NMNAT3: variants seen among roughly 807,000 people sequenced by gnomAD.
The protein encoded by NMNAT3 is nicotinamide/nicotinic acid mononucleotide adenylyltransferase 3.
Under a neutral mutation model 24.8 loss-of-function variants are expected in NMNAT3, and 21 were observed. The observed-to-expected ratio is 0.85, with a 90% confidence interval of 0.60 to 1.22. The LOEUF (loss-of-function observed/expected upper bound fraction) is 1.22, where lower values mean the gene tolerates loss of function less well. NMNAT3 is among the 50% of genes most tolerant of loss of function. The probability of loss-of-function intolerance (pLI) is 0.00; values close to 1 mark genes in which losing one functional copy is unlikely to be tolerated. For missense variants in NMNAT3, 387 were observed against 436.6 expected (o/e 0.89, Z 1.01); for synonymous variants, 136 against 155.2 (o/e 0.88, Z 0.92).
chr3:139,622,933 A>C (rs2055870549), intron 3 of NMNAT3, among the ~76,000 whole-genome samples: 1 of 147,984 alleles, frequency 6.8e-6, no homozygotes, highest in South Asian at 2.1e-4. Context: ...CTCTGGGTGA[A>C]TCAAGGCGTG....
chr3:139,632,635 C>A (rs1032405119), intron 2 of NMNAT3, among the ~76,000 whole-genome samples: 1 of 152,210 alleles, frequency 6.6e-6, no homozygotes, highest in African/African-American at 2.4e-5. Flanking sequence ...TGGCCAGGCC[C>A]TCTACTGGAC....
At chr3:139,575,742 A>T (rs749688430) in intron 5 of NMNAT3, 1 of 1,098,346 alleles carries the variant, frequency 9.1e-7, no homozygotes, top group Non-Finnish European at 1.1e-6. Flanking sequence ...TGCCTGCCTG[A>T]GTGGTACCTT....
At chr3:139,645,116 C>T (rs916980396) in intron 1 of NMNAT3, among the ~76,000 whole-genome samples, 6 of 152,092 alleles carry the variant, frequency 3.9e-5, no homozygotes, top group South Asian at 2.1e-4. Context: ...GCAGGAGAAT[C>T]GCTTGAACCT....
Position 139,566,129 on chromosome 3 carries a change from T to C in NMNAT3, c.659-4737A>G, listed in dbSNP as rs1006767956. 372 of 152,324 alleles carry C rather than the reference T, an allele frequency of 2.4e-3. 2 individuals are homozygous for C. The highest frequency in any genetic ancestry group is 8.7e-3 in the African/African-American group (362 of 41,580). The allele number at this position is 152,324 out of a possible 1,614,324, so 9.4% of individuals were successfully genotyped here. A position where few individuals can be genotyped will look rare whatever the true frequency, so the allele number is the denominator to read the frequency against. On this transcript the variant is annotated intron_variant, in intron 6 of 6. Transcript: ENST00000643695. ...GATGGCCAGTGATGATGAGCATTTT[T>C]TCATGTGTTTTTTGGCTGCATAAAT... is the stretch of plus-strand genomic sequence containing the variant.
At chr3:139,657,821 G>T (rs1452828179) in intron 1 of NMNAT3, among the ~76,000 whole-genome samples, 1 of 150,992 alleles carries the variant, frequency 6.6e-6, no homozygotes, top group African/African-American at 2.4e-5. Context: ...TTGCTGTGGG[G>T]GGTATCATGG....
chr3:139,572,008 C>T (rs1205145132), intron 6 of NMNAT3: 3 of 397,190 alleles, frequency 7.6e-6, no homozygotes, highest in African/African-American at 4.1e-5. Context: ...GCCCCTTGGC[C>T]CAGAAATGTC....
At chr3:139,565,403 G>A (rs900992415) in intron 6 of NMNAT3, 6 of 152,080 alleles carry the variant, frequency 3.9e-5, no homozygotes, top group African/African-American at 1.4e-4. Flanking sequence ...GGGTACATGT[G>A]CACAACGTGC....
intron 6 of NMNAT3, among the ~76,000 whole-genome samples, chr3:139,562,084 A>G (rs1404927141): frequency 1.3e-5 from 2 of 152,226 alleles, no homozygotes; most frequent in East Asian, 1.9e-4. Flanking sequence ...GGGCACTACT[A>G]CTAAGCTCTT....
chr3:139,675,912 A>G (rs1576815215), intron 1 of NMNAT3, among the ~76,000 whole-genome samples: 1 of 152,150 alleles, frequency 6.6e-6, no homozygotes, highest in African/African-American at 2.4e-5. Context: ...TATGCTAAGC[A>G]CCTGTTAAGC....
At chr3:139,580,067 C>T (rs1395425297) in intron 4 of NMNAT3, among the ~76,000 whole-genome samples, 1 of 152,206 alleles carries the variant, frequency 6.6e-6, no homozygotes, top group East Asian at 1.9e-4. Context: ...TTTCCTTTCT[C>T]TCACTGTCCT....
chr3:139,630,986 A>G (rs1284144217), intron 2 of NMNAT3, among the ~76,000 whole-genome samples: 1 of 152,190 alleles, frequency 6.6e-6, no homozygotes, highest in South Asian at 2.1e-4. Context: ...ATCTCAGGTA[A>G]CCTGGGGCTC....
rs552346512 is a variant in NMNAT3 at position 139,590,982 on chromosome 3, G to GGAACAGCTCTGGT, written c.110-7775_110-7774insACCAGAGCTGTTC. The stretch of plus-strand genomic sequence containing the variant: ...GAGGAGGAGCCAAGATGGCCGAATA[G>GGAACAGCTCTGGT]GAACAGCTCCGGTCTACAGCTCCCA... On this transcript the variant is annotated intron_variant, in intron 3 of 6. Transcript: ENST00000643695. 1.6e-3 allele frequency among the ~76,000 whole-genome samples: 248 copies of GGAACAGCTCTGGT among 152,216 alleles called. 1 individual carries two copies. The highest frequency in any genetic ancestry group is 5.6e-3 in the African/African-American group (232 of 41,498).
At chr3:139,590,614 A>G (rs1336711622) in intron 3 of NMNAT3, among the ~76,000 whole-genome samples, 1 of 152,240 alleles carries the variant, frequency 6.6e-6, no homozygotes, top group Non-Finnish European at 1.5e-5. Context: ...AAATAACACT[A>G]TAAGCCTTAG....
At chr3:139,657,607 G>A (rs1032806145) in intron 1 of NMNAT3, among the ~76,000 whole-genome samples, 2 of 151,744 alleles carry the variant, frequency 1.3e-5, no homozygotes, top group African/African-American at 4.8e-5. Context: ...GTGGTGGGGA[G>A]TCTGCCATGG....
In NMNAT3 at chr3:139,560,993, T is replaced by C; in HGVS notation, c.*17A>G. 6.3e-7 allele frequency: 1 copy of C among 1,599,306 alleles called. No individual in the cohort carries two copies. Among genetic ancestry groups the C allele is most frequent in the Non-Finnish European group, 8.5e-7 (1 of 1,170,676 alleles). On this transcript the variant is annotated 3_prime_UTR_variant, in exon 7 of 7. Coordinates refer to ENST00000643695, the MANE Select transcript of NMNAT3 (RefSeq NM_001320510.2). ...AGGAGCTTGTTGGAGGAGGTGTGGG[T>C]GCTGAGTCCCCCCTCCCTAGCTTGT...
intron 1 of NMNAT3, among the ~76,000 whole-genome samples, chr3:139,659,379 TC>T (rs1306064294): frequency 6.6e-6 from 1 of 152,156 alleles, no homozygotes; most frequent in Non-Finnish European, 1.5e-5. Context: ...AAAGCACAGT[TC>T]TAGAGTAGAG....
At chr3:139,608,546 T>G (rs1195851337) in intron 3 of NMNAT3, among the ~76,000 whole-genome samples, 1 of 152,184 alleles carries the variant, frequency 6.6e-6, no homozygotes, top group Non-Finnish European at 1.5e-5. Flanking sequence ...AATATGTTGT[T>G]TCTTTTTGTA....
intron 1 of NMNAT3, among the ~76,000 whole-genome samples, chr3:139,646,712 G>A (rs1327166769): frequency 1.3e-5 from 2 of 152,230 alleles, no homozygotes; most frequent in Non-Finnish European, 2.9e-5. Context: ...GAGCGATGCA[G>A]TTTAATTTAT....
chr3:139,580,864 A>G (rs999304275), intron 4 of NMNAT3, among the ~76,000 whole-genome samples: 5 of 152,196 alleles, frequency 3.3e-5, no homozygotes, highest in African/African-American at 1.2e-4. Context: ...AGTTATCACA[A>G]ATAATAGAAC....
Sources: gnomAD v4.1 joint callset for allele counts (sites outside exome capture counted in the v4.1 genomes callset) on GRCh38, gnomAD v4.1.1 for gene constraint, MANE v1.5 for transcripts, NCBI Gene and HGNC (gene_info 2026-07-23, HGNC 2026-07-21) for gene names.